Variants in MALRD1 observed in about 807,000 individuals in gnomAD.
The protein encoded by MALRD1 is MAM and LDL receptor class A domain containing 1, also known as MAM and LDL-receptor class A domain-containing protein 1.
A neutral mutation model predicts 242.1 loss-of-function variants in MALRD1; 247 were observed. The observed-to-expected ratio is 1.02, with a 90% confidence interval of 0.92 to 1.13. The LOEUF (loss-of-function observed/expected upper bound fraction) is 1.13, where lower values mean the gene tolerates loss of function less well. Ranked by LOEUF, MALRD1 falls within the 50% of genes most tolerant of loss-of-function variation. The pLI, the probability that MALRD1 is intolerant of heterozygous loss-of-function variation, is 0.00. For synonymous variants in MALRD1, 995 were observed against 866.6 expected (o/e 1.15, Z -2.60); for missense variants, 2,989 against 2,533.1 (o/e 1.18, Z -3.86).
At chr10:19,341,502 GTATATATA>G (rs576264676) in intron 24 of MALRD1, among the ~76,000 whole-genome samples, 2 of 116,840 alleles carry the variant, frequency 1.7e-5, no homozygotes, top group Non-Finnish European at 3.7e-5. Flanking sequence ...ATGTATATAT[GTATATATA>G]TGTGTGTATA....
intron 38 of MALRD1, among the ~76,000 whole-genome samples, chr10:19,714,770 C>A (rs763754615): frequency 6.6e-6 from 1 of 152,020 alleles, no homozygotes; most frequent in Non-Finnish European, 1.5e-5. Context: ...GCATGCGGAT[C>A]GCATCTTTTA....
intron 34 of MALRD1, among the ~76,000 whole-genome samples, chr10:19,605,618 A>C (rs1010617661): frequency 6.6e-6 from 1 of 150,464 alleles, no homozygotes; most frequent in East Asian, 2.0e-4. Context: ...TTCCTACTTT[A>C]CTATATGGCT....
In MALRD1 at chr10:19,462,868, A is replaced by G. The variant is rs1173904416; in HGVS notation, c.5029+12378A>G. Reference sequence around the variant, plus strand: ...TCAAGAGTTTGCTTTAGCTCTGGTTATTATAGCTTTCATCTGGCTGGCAAG... The same window carrying G: ...TCAAGAGTTTGCTTTAGCTCTGGTTGTTATAGCTTTCATCTGGCTGGCAAG... On this transcript the variant is annotated intron_variant, in intron 29 of 39. Transcript: ENST00000454679. 4.6e-5 allele frequency among the ~76,000 whole-genome samples: 7 copies of G among 152,318 alleles called. No individual in the cohort carries two copies. The Middle Eastern group carries it at 0.01, about 222-fold the overall frequency.
At position 19,422,169 on chromosome 10, in the gene MALRD1, T is replaced by G. The variant is rs191684935; in HGVS notation, c.4846-28138T>G. 6.6e-5 allele frequency among the ~76,000 whole-genome samples: 10 copies of G among 152,332 alleles called. No individual in the cohort carries two copies. In the East Asian group the frequency reaches 1.9e-3, roughly 29 times the overall value. On this transcript the variant is annotated intron_variant, in intron 28 of 39. Transcript: ENST00000454679. ...AGTTTCCATTTAAATCATGCTCTTT[T>G]CTAACCTCATGTTGGCATTACTAGT...
chr10:19,697,891 G>T (rs1426418693), intron 38 of MALRD1, among the ~76,000 whole-genome samples: 2 of 151,914 alleles, frequency 1.3e-5, no homozygotes, highest in Admixed American at 6.6e-5. Flanking sequence ...GTTTTTAAAA[G>T]TATTTTCTTC....
chr10:19,634,952 C>T (rs1371000142), intron 36 of MALRD1, among the ~76,000 whole-genome samples: 1 of 152,066 alleles, frequency 6.6e-6, no homozygotes, highest in Non-Finnish European at 1.5e-5. Flanking sequence ...ATCCTGTACC[C>T]CTGAAATTAG....
At chr10:19,620,674 G>A (rs954425817) in intron 36 of MALRD1, among the ~76,000 whole-genome samples, 2 of 151,954 alleles carry the variant, frequency 1.3e-5, no homozygotes, top group African/African-American at 2.4e-5. Context: ...AGAAAATAAA[G>A]ATCATGTCTT....
intron 26 of MALRD1, among the ~76,000 whole-genome samples, chr10:19,385,282 T>C (rs1431220830): frequency 6.6e-6 from 1 of 152,070 alleles, no homozygotes; most frequent in African/African-American, 2.4e-5. Flanking sequence ...TTAGGAAATG[T>C]TCTCTTCAAT....
chr10:19,226,563 G>T (rs2131680287), intron 18 of MALRD1, among the ~76,000 whole-genome samples: 1 of 152,090 alleles, frequency 6.6e-6, no homozygotes, highest in South Asian at 2.1e-4. Context: ...AGATTCAGTG[G>T]AATTCCCATG....
chr10:19,329,605 C>T (rs1172395693), intron 23 of MALRD1, among the ~76,000 whole-genome samples: 1 of 151,842 alleles, frequency 6.6e-6, no homozygotes, highest in African/African-American at 2.4e-5. Flanking sequence ...ACAGAAATAC[C>T]CAGATGTTAG....
At chr10:19,145,635 C>T (rs989004855) in intron 10 of MALRD1, among the ~76,000 whole-genome samples, 13 of 142,690 alleles carry the variant, frequency 9.1e-5, no homozygotes, top group Non-Finnish European at 1.7e-4. Flanking sequence ...GCCTGGGTGA[C>T]AGAGCGAGAC....
At chr10:19,094,880 A>G (rs1835965486) in intron 4 of MALRD1, among the ~76,000 whole-genome samples, 1 of 152,230 alleles carries the variant, frequency 6.6e-6, no homozygotes, top group Admixed American at 6.5e-5. Context: ...CATGGTCGAA[A>G]TGATAATCTA....
intron 12 of MALRD1, among the ~76,000 whole-genome samples, chr10:19,158,660 G>T (rs1490576321): frequency 6.6e-6 from 1 of 152,206 alleles, no homozygotes; most frequent in African/African-American, 2.4e-5. Context: ...TATCTACTGT[G>T]TGTTGATCAC....
intron 13 of MALRD1, among the ~76,000 whole-genome samples, chr10:19,170,471 A>G (rs1834875809): frequency 6.6e-6 from 1 of 152,182 alleles, no homozygotes; most frequent in Non-Finnish European, 1.5e-5. Context: ...AATGATGGAT[A>G]CCATGTTCTG....
chr10:19,410,943 G>C (rs879573307), intron 28 of MALRD1, among the ~76,000 whole-genome samples: 5 of 151,892 alleles, frequency 3.3e-5, no homozygotes, highest in African/African-American at 9.7e-5. Flanking sequence ...ATGACCATGT[G>C]GATTTTTTCC....
At chr10:19,477,515 A>G (rs1378100873) in intron 29 of MALRD1, among the ~76,000 whole-genome samples, 1 of 152,218 alleles carries the variant, frequency 6.6e-6, no homozygotes, top group African/African-American at 2.4e-5. Flanking sequence ...TTGCTTGGTC[A>G]TGAAGTGGCA....
chr10:19,530,870 G>A (rs1834381600), intron 31 of MALRD1, among the ~76,000 whole-genome samples: 1 of 152,066 alleles, frequency 6.6e-6, no homozygotes, highest in Admixed American at 6.6e-5. Context: ...TGTATGCACA[G>A]CATACAAAGT....
chr10:19,104,046 C>G lies in MALRD1; in HGVS notation c.665C>G (p.Ser222Cys), dbSNP rs1836377086. ...GAAGTCATTGCTATTGATGATATATCTTTCAGTTCAGGCTGCTTGCCTGCC... is the reference window on the plus strand; with the variant it reads ...GAAGTCATTGCTATTGATGATATATGTTTCAGTTCAGGCTGCTTGCCTGCC... Reference protein sequence around the residue: ...QDEVIAIDDISFSSGCLPAND... With the variant: ...QDEVIAIDDICFSSGCLPAND... The change falls in exon 5 of 40, where the codon TCT (serine) becomes TGT (cysteine). Residue 222 changes from serine (S) to cysteine (C), a missense_variant. Transcript: ENST00000454679. 8.1e-7 allele frequency: 1 copy of G among 1,233,764 alleles called. No individual in the cohort carries two copies. Among genetic ancestry groups the G allele is most frequent in the African/African-American group, 1.5e-5 (1 of 64,608 alleles). 76.4% of individuals were successfully genotyped at this position (1,233,764 alleles called of 1,614,324 possible).
chr10:19,341,578 TA>T (rs1843879825), intron 24 of MALRD1, among the ~76,000 whole-genome samples: 1 of 69,704 alleles, frequency 1.4e-5, no homozygotes, highest in African/African-American at 7.4e-5. Context: ...CATACATGTA[TA>T]TAAAACACTC....
Sources: gnomAD v4.1 joint callset for allele counts (sites outside exome capture counted in the v4.1 genomes callset) on GRCh38, gnomAD v4.1.1 for gene constraint, MANE v1.5 for transcripts, NCBI Gene and HGNC (gene_info 2026-07-23, HGNC 2026-07-21) for gene names.